GRIP2: variants seen among roughly 807,000 people sequenced by gnomAD.
GRIP2 encodes the protein glutamate receptor-interacting protein 2.
Under a neutral mutation model 108.3 loss-of-function variants are expected in GRIP2, and 58 were observed. The observed-to-expected ratio is 0.54, with a 90% CI of 0.43 to 0.67. The LOEUF is 0.67. Among genes scored for constraint, GRIP2 ranks in the 30% least tolerant of loss-of-function variants. GRIP2 has a pLI of 0.00. For missense variants in GRIP2, 1,278 were observed against 1,430.6 expected, an observed-to-expected ratio of 0.89 and a Z score of 1.72; for synonymous variants, 586 against 598.2, an observed-to-expected ratio of 0.98 and a Z score of 0.30.
Position 14,525,443 on chromosome 3 carries a change from G to A in GRIP2, c.251C>T (p.Ala84Val). The part of the protein sequence containing the change: ...RVSNLRPGGL[A>V]ARSDLLNIGD... ...TGCCAAGCCCACTTCTCACCTGGCT[G>A]CAAGTCCCCCAGGTCTCAGGTTGGA... is the stretch of plus-strand genomic sequence containing the variant. The change falls in exon 3 of 24, where the codon GCA (alanine) becomes GTA (valine). Residue 84 changes from alanine to valine, a missense_variant. Coordinates refer to ENST00000621039, the MANE Select transcript of GRIP2 (RefSeq NM_001080423.4). The A allele has an allele frequency of 6.2e-7, 1 of 1,612,442 alleles. No individual in the cohort carries two copies. Among genetic ancestry groups the A allele is most frequent in the Middle Eastern group, 1.7e-4 (1 of 6,056 alleles).
the GRIP2 span, among the ~76,000 whole-genome samples, chr3:14,598,860 C>T: frequency 3.9e-5 from 6 of 152,110 alleles, no homozygotes; most frequent in African/African-American, 7.2e-5. Flanking sequence ...CTGTTCCCTC[C>T]GCCTGCCTTG....
chr3:14,496,197 T>C (rs569822213), intron 22 of GRIP2, among the ~76,000 whole-genome samples: 1 of 151,860 alleles, frequency 6.6e-6, no homozygotes, highest in East Asian at 1.9e-4. Flanking sequence ...AAAAAGCACA[T>C]CTACTTAAAG....
At position 14,503,559 on chromosome 3, in the gene GRIP2, G is replaced by A. The variant is rs1024555581; in HGVS notation, c.2679+7C>T. 11 of 1,603,530 alleles carry A rather than the reference G, an allele frequency of 6.9e-6. No individual in the cohort carries two copies. Among genetic ancestry groups the A allele is most frequent in the Admixed American group, 6.8e-5 (4 of 59,144 alleles). On this transcript the variant is annotated splice_region_variant and intron_variant, in intron 21 of 23. Coordinates refer to ENST00000621039, the MANE Select transcript of GRIP2 (RefSeq NM_001080423.4). Reference sequence around the variant, plus strand: ...CCCATGCAGGCCTGCAGGGCAGGCAGCCATACCTCCAGTTCCCTCAGCAGC... The same window carrying A: ...CCCATGCAGGCCTGCAGGGCAGGCAACCATACCTCCAGTTCCCTCAGCAGC...
chr3:14,588,963 C>CCAGGCTGTG, the GRIP2 span, among the ~76,000 whole-genome samples: 1 of 152,228 alleles, frequency 6.6e-6, no homozygotes, highest in Non-Finnish European at 1.5e-5. Flanking sequence ...TCCCTCTCCT[C>CCAGGCTGTG]CAGGCTGTGG....
At chr3:14,524,753 C>A (rs901919086) in intron 3 of GRIP2, among the ~76,000 whole-genome samples, 1 of 152,200 alleles carries the variant, frequency 6.6e-6, no homozygotes, top group Non-Finnish European at 1.5e-5. Flanking sequence ...TTTCCCCCTT[C>A]GCTGGTCTGC....
the GRIP2 span, among the ~76,000 whole-genome samples, chr3:14,597,656 C>T: frequency 6.6e-6 from 1 of 152,200 alleles, no homozygotes; most frequent in African/African-American, 2.4e-5. Flanking sequence ...TGTTTCTCCA[C>T]CACCTTTCTA....
At chr3:14,582,551 G>A in the GRIP2 span, among the ~76,000 whole-genome samples, 1 of 152,156 alleles carries the variant, frequency 6.6e-6, no homozygotes, top group Non-Finnish European at 1.5e-5. Context: ...AGAGAGGAAG[G>A]GAGGGCCAAC....
chr3:14,594,860 C>T, the GRIP2 span, among the ~76,000 whole-genome samples: 3 of 152,138 alleles, frequency 2.0e-5, no homozygotes, highest in Non-Finnish European at 2.9e-5. Flanking sequence ...ACATATAAAG[C>T]GCTTAGCCTG....
intron 17 of GRIP2, among the ~76,000 whole-genome samples, chr3:14,509,588 T>G (rs184258800): frequency 1.3e-5 from 2 of 152,382 alleles, no homozygotes; most frequent in East Asian, 3.9e-4. Flanking sequence ...AGTGCTTACC[T>G]GGAGCCAGGA....
intron 19 of GRIP2, among the ~76,000 whole-genome samples, chr3:14,506,440 T>C (rs1693929770): frequency 6.6e-6 from 1 of 152,142 alleles, no homozygotes; most frequent in African/African-American, 2.4e-5. Flanking sequence ...TATTTTCAAC[T>C]GGATGGAATG....
chr3:14,539,134 G>T (rs1575028471), intron 1 of GRIP2, among the ~76,000 whole-genome samples: 1 of 152,358 alleles, frequency 6.6e-6, no homozygotes, highest in African/African-American at 2.4e-5. Context: ...CCCTGAACAA[G>T]TCACTTAGCA....
At chr3:14,508,595 G>A (rs558836363) in intron 17 of GRIP2, among the ~76,000 whole-genome samples, 2 of 152,224 alleles carry the variant, frequency 1.3e-5, no homozygotes, top group African/African-American at 4.8e-5. Context: ...GATAGTGAGC[G>A]AGTCAGGGAA....
At chr3:14,582,142 C>T in the GRIP2 span, among the ~76,000 whole-genome samples, 1 of 152,208 alleles carries the variant, frequency 6.6e-6, no homozygotes, top group Non-Finnish European at 1.5e-5. Flanking sequence ...ATAAGAGTCT[C>T]GCAGCTCCAC....
chr3:14,531,434 C>T (rs576119445), intron 1 of GRIP2, among the ~76,000 whole-genome samples: 10 of 152,346 alleles, frequency 6.6e-5, no homozygotes, highest in African/African-American at 2.4e-4. Flanking sequence ...AGCCTCCCTG[C>T]AGCATCCCTC....
the GRIP2 span, among the ~76,000 whole-genome samples, chr3:14,591,055 C>T: frequency 2.6e-5 from 4 of 152,198 alleles, no homozygotes; most frequent in Non-Finnish European, 4.4e-5. Flanking sequence ...ATGTGCACCT[C>T]ACACAGCTAA....
At chr3:14,599,699 GTGTGTGTGTGTGTT>G in the GRIP2 span, among the ~76,000 whole-genome samples, 174 of 151,062 alleles carry the variant, frequency 1.2e-3, no homozygotes, top group African/African-American at 4.1e-3. Context: ...GTGTGTGTGT[GTGTGTGTGTGTGTT>G]TGTGTGTGTG....
At chr3:14,506,263 G>A (rs1235119905) in intron 19 of GRIP2, among the ~76,000 whole-genome samples, 3 of 152,196 alleles carry the variant, frequency 2.0e-5, no homozygotes, top group Non-Finnish European at 4.4e-5. Context: ...ACCATGGGGA[G>A]TTCCGGTGGC....
At chr3:14,541,377 C>T (rs1468649789), upstream of GRIP2, among the ~76,000 whole-genome samples, 1 of 152,220 alleles carries the variant, frequency 6.6e-6, no homozygotes. Context: ...AGGCCTGGCT[C>T]CCATGGAGTT....
At chr3:14,567,932 G>A in the GRIP2 span, among the ~76,000 whole-genome samples, 5 of 152,242 alleles carry the variant, frequency 3.3e-5, no homozygotes, top group Non-Finnish European at 5.9e-5. Flanking sequence ...CAAATGAAGG[G>A]AATAGGGGAC....
Sources: gnomAD v4.1 joint callset for allele counts (sites outside exome capture counted in the v4.1 genomes callset) on GRCh38, gnomAD v4.1.1 for gene constraint, MANE v1.5 for transcripts, NCBI Gene and HGNC (gene_info 2026-07-23, HGNC 2026-07-21) for gene names.